Variants in ASMTL observed in about 807,000 individuals in gnomAD.
The protein encoded by ASMTL is acetylserotonin O-methyltransferase like, also known as probable bifunctional dTTP/UTP pyrophosphatase/methyltransferase protein.
A neutral mutation model predicts 60.3 loss-of-function variants in ASMTL; 57 were observed. That is an observed-to-expected ratio of 0.95 (90% confidence interval 0.76 to 1.18). The LOEUF (loss-of-function observed/expected upper bound fraction) is 1.18, where lower values mean the gene tolerates loss of function less well. Among genes scored for constraint, ASMTL ranks in the 50% most tolerant of loss-of-function variants. The pLI is 0.00. For missense variants in ASMTL, 981 were observed against 852.6 expected, an observed-to-expected ratio of 1.15 and a Z score of -1.88; for synonymous variants, 419 against 373.0, an observed-to-expected ratio of 1.12 and a Z score of -1.42.
chrX:1,404,597 T>C (rs2089734483), intron 12 of ASMTL, among the ~76,000 whole-genome samples: 1 of 150,822 alleles, frequency 6.6e-6, no homozygotes, highest in African/African-American at 2.5e-5. Context: ...GTATAGATGA[T>C]AGATGATGGG....
intron 12 of ASMTL, among the ~76,000 whole-genome samples, chrX:1,404,561 T>C (rs772514363): frequency 6.6e-6 from 1 of 151,398 alleles, no homozygotes; most frequent in African/African-American, 2.4e-5. Flanking sequence ...GATAGATGGA[T>C]GCATGCATGA....
chrX:1,417,153 T>A (rs1481790341), intron 11 of ASMTL, among the ~76,000 whole-genome samples: 1 of 147,652 alleles, frequency 6.8e-6, no homozygotes. Flanking sequence ...AGCAGTCACA[T>A]ATGCACACAA....
At chrX:1,410,697 C>T (rs1292561822) in intron 12 of ASMTL, among the ~76,000 whole-genome samples, 6 of 151,556 alleles carry the variant, frequency 4.0e-5, no homozygotes, top group African/African-American at 1.5e-4. Flanking sequence ...CAGGTGTGAG[C>T]CACCGTGCCC....
At chrX:1,439,050 G>C in intron 3 of ASMTL, 47 bp downstream of exon 3, 1 of 1,603,530 alleles carries the variant, frequency 6.2e-7, no homozygotes, top group Non-Finnish European at 8.5e-7. Context: ...CCAAGCACAG[G>C]AAAACCACAT....
At chrX:1,433,627 C>T (rs1233796541) in intron 5 of ASMTL, among the ~76,000 whole-genome samples, 27 of 151,666 alleles carry the variant, frequency 1.8e-4, no homozygotes, top group African/African-American at 5.8e-4. Flanking sequence ...TTGCAGTGAG[C>T]CGAGATGGCG....
intron 10 of ASMTL, 30 bp from the exon 11 acceptor site, chrX:1,418,146 C>A: frequency 6.4e-7 from 1 of 1,567,314 alleles, no homozygotes; most frequent in Non-Finnish European, 8.7e-7. Flanking sequence ...TGCTCTGTGG[C>A]TGGGTCGTCT....
At chrX:1,450,895 TA>T (rs2091354618) in intron 1 of ASMTL, among the ~76,000 whole-genome samples, 2 of 115,266 alleles carry the variant, frequency 1.7e-5, no homozygotes, top group Non-Finnish European at 3.5e-5. Context: ...CCCCCATCCC[TA>T]TGGGTCCCGG....
chrX:1,433,634 G>T (rs1207853876), intron 5 of ASMTL, among the ~76,000 whole-genome samples: 1 of 151,588 alleles, frequency 6.6e-6, no homozygotes, highest in East Asian at 1.9e-4. Flanking sequence ...GAGCCGAGAT[G>T]GCGCAAGTGC....
intron 12 of ASMTL, 77 bp from the exon 13 acceptor site, chrX:1,403,566 G>A: frequency 7.4e-7 from 1 of 1,358,388 alleles, no homozygotes. Context: ...GGACACAGCA[G>A]GCAACAGGAG....
chrX:1,414,803 G>T (rs5025693), intron 11 of ASMTL, among the ~76,000 whole-genome samples: 1 of 152,128 alleles, frequency 6.6e-6, no homozygotes, highest in Admixed American at 6.5e-5. Context: ...TAGGGTGGTT[G>T]CGTTTTGTTT....
At position 1,403,702 on chromosome X, in the gene ASMTL, A is replaced by T. The variant is rs1214869362; in HGVS notation, c.1646-213T>A. 1.0e-5 allele frequency: 6 copies of T among 601,726 alleles called. No individual in the cohort carries two copies. The East Asian group carries it at 1.7e-4, about 17-fold the overall frequency. The allele number at this position is 601,726 out of a possible 1,614,324, so 37.3% of individuals were successfully genotyped here. A position where few individuals can be genotyped will look rare whatever the true frequency, so the allele number is the denominator to read the frequency against. ...AGGGAGAAGGAGATTTGATCGAAAG[A>T]TGGATGGATAGATGGATGCATCACC... On this transcript the variant is annotated intron_variant, in intron 12 of 12. Coordinates refer to ENST00000381317, the MANE Select transcript of ASMTL (RefSeq NM_004192.4).
chrX:1,405,912 GGGTA>G (rs1163157723), intron 12 of ASMTL, among the ~76,000 whole-genome samples: 1 of 151,468 alleles, frequency 6.6e-6, no homozygotes, highest in Non-Finnish European at 1.5e-5. Flanking sequence ...GGTAGATGAT[GGGTA>G]GGTAGATGAG....
chrX:1,417,126 C>T (rs1189285703), intron 11 of ASMTL, among the ~76,000 whole-genome samples: 2 of 151,872 alleles, frequency 1.3e-5, no homozygotes, highest in Non-Finnish European at 2.9e-5. Flanking sequence ...GACACATGCA[C>T]ACAGACACAC....
At chrX:1,428,938 C>T (rs1390949115) in intron 6 of ASMTL, among the ~76,000 whole-genome samples, 1 of 151,222 alleles carries the variant, frequency 6.6e-6, no homozygotes, top group Non-Finnish European at 1.5e-5. Flanking sequence ...GCTCTGTCGC[C>T]CAGGCTGGAG....
intron 5 of ASMTL, among the ~76,000 whole-genome samples, chrX:1,434,194 G>A (rs766319222): frequency 2.0e-5 from 3 of 152,244 alleles, no homozygotes; most frequent in South Asian, 2.1e-4. Flanking sequence ...CGGGCACCGT[G>A]GTGCACACCT....
At chrX:1,419,938 G>A (rs1316765161) in intron 9 of ASMTL, among the ~76,000 whole-genome samples, 2 of 152,028 alleles carry the variant, frequency 1.3e-5, no homozygotes, top group African/African-American at 4.8e-5. Context: ...CTTGGTCTCT[G>A]TCTGTCTGTC....
At chrX:1,439,575 G>A (rs2091056359) in intron 2 of ASMTL, among the ~76,000 whole-genome samples, 7 of 152,230 alleles carry the variant, frequency 4.6e-5, no homozygotes, top group Admixed American at 2.6e-4. Context: ...GGCTGGGCGC[G>A]GTGGCTCACG....
chrX:1,403,215 G>T lies in ASMTL; in HGVS notation c.*54C>A. Reference sequence around the variant, plus strand: ...TCCTATGGTACTTGGGGACCGGGCGGTCCACCTGCAGCCTGGGGGAGGACA... The same window carrying T: ...TCCTATGGTACTTGGGGACCGGGCGTTCCACCTGCAGCCTGGGGGAGGACA... On this transcript the variant is annotated 3_prime_UTR_variant, in exon 13 of 13. Coordinates refer to ENST00000381317, the MANE Select transcript of ASMTL (RefSeq NM_004192.4). 1 of 1,504,476 alleles carries T rather than the reference G, an allele frequency of 6.6e-7. No homozygotes were observed. Among genetic ancestry groups the T allele is most frequent in the East Asian group, 2.3e-5 (1 of 44,220 alleles). The allele number at this position is 1,504,476 out of a possible 1,614,324, so 93.2% of individuals were successfully genotyped here. A position where few individuals can be genotyped will look rare whatever the true frequency, so the allele number is the denominator to read the frequency against.
At chrX:1,411,496 C>A (rs758916691) in intron 12 of ASMTL, among the ~76,000 whole-genome samples, 11 of 152,280 alleles carry the variant, frequency 7.2e-5, no homozygotes, top group Admixed American at 7.2e-4. Context: ...TTTCCAGCAG[C>A]CCCACTGGGC....
Sources: gnomAD v4.1 joint callset for allele counts (sites outside exome capture counted in the v4.1 genomes callset) on GRCh38, gnomAD v4.1.1 for gene constraint, MANE v1.5 for transcripts, NCBI Gene and HGNC (gene_info 2026-07-23, HGNC 2026-07-21) for gene names.